DCC: variants seen among roughly 807,000 people sequenced by gnomAD.
The protein encoded by DCC is DCC netrin 1 receptor.
Under a neutral mutation model 172.5 loss-of-function variants are expected in DCC, and 58 were observed. The observed-to-expected ratio is 0.34, with a 90% CI of 0.27 to 0.42. The LOEUF (loss-of-function observed/expected upper bound fraction) is 0.42, where lower values mean the gene tolerates loss of function less well. Among genes scored for constraint, DCC ranks in the 10% least tolerant of loss-of-function variants. DCC has a pLI of 1.00. For missense variants in DCC, 1,740 were observed against 1,791.0 expected (o/e 0.97, Z 0.51); for synonymous variants, 709 against 644.5 (o/e 1.10, Z -1.52).
At chr18:53,194,381 C>G (rs944355688) in intron 9 of DCC, among the ~76,000 whole-genome samples, 22 of 151,962 alleles carry the variant, frequency 1.4e-4, no homozygotes, top group African/African-American at 3.4e-4. Context: ...TCGGTGATGT[C>G]ACATGTCTGG....
At chr18:53,285,051 A>T (rs1184229624) in intron 12 of DCC, among the ~76,000 whole-genome samples, 2 of 152,140 alleles carry the variant, frequency 1.3e-5, no homozygotes, top group East Asian at 3.9e-4. Flanking sequence ...AAGGCATTAA[A>T]TTTTACATGG....
At chr18:52,730,662 G>A (rs1184169694) in intron 1 of DCC, among the ~76,000 whole-genome samples, 1 of 152,166 alleles carries the variant, frequency 6.6e-6, no homozygotes, top group African/African-American at 2.4e-5. Context: ...CATGCAAGCT[G>A]ACACTGGCTG....
chr18:52,862,251 A>G (rs571203291), intron 2 of DCC, among the ~76,000 whole-genome samples: 5 of 152,194 alleles, frequency 3.3e-5, no homozygotes, highest in African/African-American at 1.2e-4. Flanking sequence ...GGTCAAAAAG[A>G]CAATTTTAGA....
At chr18:52,907,032 A>T (rs777974107) in intron 3 of DCC, among the ~76,000 whole-genome samples, 1 of 151,898 alleles carries the variant, frequency 6.6e-6, no homozygotes, top group Non-Finnish European at 1.5e-5. Flanking sequence ...ATCAATAACC[A>T]GTGACAACAC....
intron 5 of DCC, among the ~76,000 whole-genome samples, chr18:53,057,805 G>A (rs1180298286): frequency 1.3e-5 from 2 of 152,036 alleles, no homozygotes; most frequent in African/African-American, 2.4e-5. Flanking sequence ...ACAGAAGTGG[G>A]AGAAAGCGTA....
At chr18:53,027,594 A>G (rs766951930) in intron 5 of DCC, among the ~76,000 whole-genome samples, 5 of 152,144 alleles carry the variant, frequency 3.3e-5, no homozygotes, top group Non-Finnish European at 7.3e-5. Flanking sequence ...AATGCTTTGT[A>G]AAACATTTCG....
chr18:53,468,661 G>A (rs1009442980), intron 25 of DCC, among the ~76,000 whole-genome samples: 4 of 152,054 alleles, frequency 2.6e-5, no homozygotes, highest in Non-Finnish European at 4.4e-5. Context: ...GGGAATATAG[G>A]CATAAGCTAC....
At chr18:53,171,045 C>T (rs544457023) in intron 8 of DCC, among the ~76,000 whole-genome samples, 214 of 152,120 alleles carry the variant, frequency 1.4e-3, no homozygotes, top group Admixed American at 2.7e-3. Flanking sequence ...CCACCATGCC[C>T]GGCTAATTTT....
chr18:53,081,360 TAAAA>T (rs970947150), intron 7 of DCC, among the ~76,000 whole-genome samples: 4 of 152,034 alleles, frequency 2.6e-5, no homozygotes, highest in African/African-American at 9.7e-5. Flanking sequence ...TGAATTTTCT[TAAAA>T]AAATCTATCT....
intron 7 of DCC, among the ~76,000 whole-genome samples, chr18:53,106,086 A>C (rs182495639): frequency 1.8e-4 from 28 of 151,788 alleles, no homozygotes; most frequent in African/African-American, 6.8e-4. Context: ...AGAGCCCCCC[A>C]GTTATCAGTT....
chr18:53,229,631 A>G (rs1039019985), intron 12 of DCC, among the ~76,000 whole-genome samples: 1 of 152,028 alleles, frequency 6.6e-6, no homozygotes, highest in Admixed American at 6.6e-5. Context: ...AAATGCTACA[A>G]ATTAAAGATT....
chr18:52,476,747 C>T (rs1989105841), intron 1 of DCC, among the ~76,000 whole-genome samples: 1 of 152,072 alleles, frequency 6.6e-6, no homozygotes, highest in South Asian at 2.1e-4. Flanking sequence ...AAAAACCTTG[C>T]AGTTGGATTC....
At chr18:52,457,954 C>G (rs238422) in intron 1 of DCC, among the ~76,000 whole-genome samples, 4,689 of 152,114 alleles carry the variant, frequency 0.031, 232 homozygotes, top group African/African-American at 0.11. Flanking sequence ...AGAAAGAACT[C>G]AGAGCAAAGT....
chr18:52,567,259 A>T (rs1381152789), intron 1 of DCC, among the ~76,000 whole-genome samples: 2 of 152,166 alleles, frequency 1.3e-5, no homozygotes, highest in Non-Finnish European at 2.9e-5. Context: ...AATATTCATT[A>T]AGTTGATAAA....
chr18:52,581,237 A>C (rs1316094923), intron 1 of DCC, among the ~76,000 whole-genome samples: 1 of 128,698 alleles, frequency 7.8e-6, no homozygotes, highest in Non-Finnish European at 1.7e-5. Context: ...ATGTTTTAAG[A>C]GTGAGTCTTG....
At chr18:53,515,887 C>A (rs1372666156) in intron 27 of DCC, among the ~76,000 whole-genome samples, 2 of 152,060 alleles carry the variant, frequency 1.3e-5, no homozygotes, top group African/African-American at 4.8e-5. Flanking sequence ...AGGTAATTTA[C>A]AGATTCAATG....
chr18:52,641,788 G>T (rs534314345), intron 1 of DCC, among the ~76,000 whole-genome samples: 4 of 152,004 alleles, frequency 2.6e-5, no homozygotes, highest in East Asian at 1.9e-4. Flanking sequence ...TAGCACAGCC[G>T]CCATGGAAAA....
chr18:52,378,560 A>G (rs1985452812), intron 1 of DCC, among the ~76,000 whole-genome samples: 1 of 151,734 alleles, frequency 6.6e-6, no homozygotes, highest in Non-Finnish European at 1.5e-5. Flanking sequence ...TTTTTTTGAG[A>G]GAGAGAGAGA....
At chr18:53,205,813 T>C (rs1389263534) in intron 10 of DCC, among the ~76,000 whole-genome samples, 1 of 152,120 alleles carries the variant, frequency 6.6e-6, no homozygotes, top group Non-Finnish European at 1.5e-5. Context: ...CCTACCATTT[T>C]TTAATGTTTT....
Sources: gnomAD v4.1 joint callset for allele counts (sites outside exome capture counted in the v4.1 genomes callset) on GRCh38, gnomAD v4.1.1 for gene constraint, MANE v1.5 for transcripts, NCBI Gene and HGNC (gene_info 2026-07-23, HGNC 2026-07-21) for gene names.